COIL: variants seen among roughly 807,000 people sequenced by gnomAD.
COIL encodes coilin p80.
In COIL, 28 loss-of-function variants were observed where a neutral mutation model predicts 51.6. The ratio of observed to expected loss-of-function variants is 0.54; its 90% CI spans 0.40 to 0.74. The LOEUF (loss-of-function observed/expected upper bound fraction) is 0.74, where lower values mean the gene tolerates loss of function less well. Ranked by LOEUF, COIL falls within the 30% of genes least tolerant of loss-of-function variation. The pLI, the probability that COIL is intolerant of heterozygous loss-of-function variation, is 0.00. For synonymous variants in COIL, 233 were observed against 255.8 expected (o/e 0.91, Z 0.85); for missense variants, 667 against 685.9 (o/e 0.97, Z 0.31).
At chr17:56,958,480 G>A (rs1196271140) in intron 1 of COIL, among the ~76,000 whole-genome samples, 1 of 152,228 alleles carries the variant, frequency 6.6e-6, no homozygotes, top group Non-Finnish European at 1.5e-5. Context: ...GAAGCCACTA[G>A]AGAGGTATTT....
At position 56,949,997 on chromosome 17, in the gene COIL, T is replaced by G. The variant is rs1910326199; in HGVS notation, c.1245A>C (p.Arg415Ser). ...KGAKGRGMRG[R>S]GRGRGHPVSC... Reference sequence around the variant, plus strand: ...AAACAGGATGCCCTCGTCCTCGACCTCTCCCCCGCATGCCCCGTCCCTTAG... The same window carrying G: ...AAACAGGATGCCCTCGTCCTCGACCGCTCCCCCGCATGCCCCGTCCCTTAG... Residue 415 changes from arginine (R) to serine (S), a missense_variant, in exon 2 of 7, where the codon AGA becomes AGC. Transcript: ENST00000240316. 1.2e-6 allele frequency: 2 copies of G among 1,614,004 alleles called. No homozygotes were observed. The highest frequency in any genetic ancestry group is 2.7e-5 in the African/African-American group (2 of 74,904).
chr17:56,955,748 G>A (rs1567854649), intron 1 of COIL, among the ~76,000 whole-genome samples: 1 of 152,118 alleles, frequency 6.6e-6, no homozygotes, highest in African/African-American at 2.4e-5. Flanking sequence ...GTCCTATCAT[G>A]GGTAAGTTGG....
At chr17:56,939,974 G>A (rs563954061) in intron 6 of COIL, 3 of 151,954 alleles carry the variant, frequency 2.0e-5, no homozygotes, top group African/African-American at 4.8e-5. Flanking sequence ...GCCCTTTTGC[G>A]CCGCTCTGTA....
rs1392361838 is a variant in COIL, at chr17:56,949,988, T to G, written c.1254A>C (p.Gly418=). The change falls in exon 2 of 7, where the codon GGA becomes GGC. Residue 418 remains glycine (G), a synonymous_variant. Coordinates refer to ENST00000240316, the MANE Select transcript of COIL (RefSeq NM_004645.3). ...CAACACAGGAAACAGGATGCCCTCG[T>G]CCTCGACCTCTCCCCCGCATGCCCC... ...KGRGMRGRGR[G]RGHPVSCVVN... The G allele has an allele frequency of 6.2e-7, 1 of 1,614,052 alleles. No individual in the cohort carries two copies. The highest frequency in any genetic ancestry group is 1.3e-5 in the African/African-American group (1 of 74,928).
intron 5 of COIL, among the ~76,000 whole-genome samples, chr17:56,942,775 C>A (rs1307500906): frequency 6.6e-6 from 1 of 152,188 alleles, no homozygotes; most frequent in Non-Finnish European, 1.5e-5. Flanking sequence ...CTCGGCCTCC[C>A]AAAGCGCTGG....
rs1365720938 is a variant in COIL at position 56,942,029 on chromosome 17, A to G, written c.1647+6T>C. On this transcript the variant is annotated splice_donor_region_variant and intron_variant, in intron 6 of 6. Transcript: ENST00000240316. ...CCAAGCAACGCAAGAAGAGAAGCAC[A>G]CCTACCTTGCTCTCCTGTGTCACAG... 6.2e-7 allele frequency: 1 copy of G among 1,611,134 alleles called. No homozygotes were observed. Among genetic ancestry groups the G allele is most frequent in the East Asian group, 2.2e-5 (1 of 44,868 alleles).
rs138525201 is a variant in COIL at position 56,949,754 on chromosome 17, G to A, written c.1367C>T (p.Thr456Ile). 1,294 of 1,614,072 alleles carry A rather than the reference G, an allele frequency of 8.0e-4. 13 individuals carry two copies. Among genetic ancestry groups the A allele is most frequent in the South Asian group, 7.3e-3 (666 of 91,088 alleles). Residue 456 changes from threonine to isoleucine, a missense_variant, in exon 3 of 7, where the codon ACA becomes ATA. Thr to Ile is a moderately conservative substitution (Grantham distance 89). Coordinates refer to ENST00000240316, the MANE Select transcript of COIL (RefSeq NM_004645.3). ...TAACAGACTATAGTCCTTCTTGGGT[G>A]TCTCTACTGGATTCTGAAAAACAGT... Reference protein sequence around the residue: ...SSTIIQNPVETPKKDYSLLPL... With the variant: ...SSTIIQNPVEIPKKDYSLLPL...
Position 56,950,266 on chromosome 17 carries a change from G to T in COIL, c.976C>A (p.Gln326Lys). ...GGGGTGCTCGATGACATCAAGCATTGGTCGTCTGACTCTGCACTAGAGTCT... is the reference window on the plus strand; with the variant it reads ...GGGGTGCTCGATGACATCAAGCATTTGTCGTCTGACTCTGCACTAGAGTCT... ...SSDSSAESDD[Q>K]CLMSSSTPEC... is the part of the protein sequence containing the mutation. Residue 326 changes from glutamine (Q) to lysine (K), a missense_variant, in exon 2 of 7, where the codon CAA (glutamine) becomes AAA (lysine). Physicochemically the swap from Gln to Lys is moderately conservative, Grantham distance 53. Transcript: ENST00000240316. 2 of 1,614,176 alleles carry T rather than the reference G, an allele frequency of 1.2e-6. No individual in the cohort carries two copies. The highest frequency in any genetic ancestry group is 1.7e-6 in the Non-Finnish European group (2 of 1,180,030).
chr17:56,949,298 C>A, intron 4 of COIL, 89 bp downstream of exon 4: 1 of 1,030,038 alleles, frequency 9.7e-7, no homozygotes, highest in South Asian at 1.8e-5. Flanking sequence ...AGTAAAAAAA[C>A]AAATCTGTAT....
At chr17:56,953,498 T>C (rs1910421808) in intron 1 of COIL, among the ~76,000 whole-genome samples, 1 of 151,278 alleles carries the variant, frequency 6.6e-6, no homozygotes, top group African/African-American at 2.4e-5. Flanking sequence ...GGAGGATCAC[T>C]AGAGCCCAGG....
chr17:56,943,425 A>T (rs1910184684), intron 5 of COIL, among the ~76,000 whole-genome samples: 1 of 151,798 alleles, frequency 6.6e-6, no homozygotes, highest in Non-Finnish European at 1.5e-5. Context: ...CTCTCCTTAA[A>T]CTCAGTTTGG....
intron 1 of COIL, among the ~76,000 whole-genome samples, chr17:56,954,447 G>C (rs538340332): frequency 6.6e-6 from 1 of 152,038 alleles, no homozygotes; most frequent in African/African-American, 2.4e-5. Context: ...TGTAGTCCCA[G>C]CTACTCGGGA....
Position 56,938,993 on chromosome 17 carries a change from TAAAAAAA to T in COIL, c.*71_*77del. The T allele has an allele frequency of 1.6e-6, 1 of 622,774 alleles. No individual in the cohort carries two copies. The highest frequency in any genetic ancestry group is 2.6e-6 in the Non-Finnish European group (1 of 378,038). The allele number at this position is 622,774 out of a possible 1,614,324, so 38.6% of individuals were successfully genotyped here. On this transcript the variant is annotated 3_prime_UTR_variant, in exon 7 of 7. Transcript: ENST00000240316. ...ATCCATACAACTTCCAAATCCTCTT[TAAAAAAA>T]AAAAAAAGTTTGGGTTATAGTCACT...
intron 5 of COIL, among the ~76,000 whole-genome samples, chr17:56,944,612 A>G (rs1910210218): frequency 6.6e-6 from 1 of 151,944 alleles, no homozygotes; most frequent in African/African-American, 2.4e-5. Context: ...AAAGGTAGGA[A>G]CCCAGTGTAA....
At chr17:56,943,276 T>C (rs567578653) in intron 5 of COIL, among the ~76,000 whole-genome samples, 34 of 152,386 alleles carry the variant, frequency 2.2e-4, no homozygotes, top group Middle Eastern at 6.8e-3. Context: ...TTTTTTACTT[T>C]GTAAAATCTT....
At chr17:56,958,782 A>C (rs1353831841) in intron 1 of COIL, among the ~76,000 whole-genome samples, 1 of 152,228 alleles carries the variant, frequency 6.6e-6, no homozygotes, top group Non-Finnish European at 1.5e-5. Context: ...CCTATTTCAC[A>C]GTCAATAAAA....
intron 1 of COIL, among the ~76,000 whole-genome samples, chr17:56,953,515 A>C (rs1215555970): frequency 1.3e-5 from 2 of 152,056 alleles, no homozygotes; most frequent in African/African-American, 4.8e-5. Context: ...CAGGAGGTCC[A>C]GGCTGCAGTG....
chr17:56,938,287 T>C lies in COIL; in HGVS notation c.*784A>G, dbSNP rs1910078430. 1 of 152,252 alleles carries C rather than the reference T, an allele frequency of 6.6e-6. No individual in the cohort carries two copies. Among genetic ancestry groups the C allele is most frequent in the South Asian group, 2.1e-4 (1 of 4,836 alleles). The allele number at this position is 152,252 out of a possible 1,614,324, so 9.4% of individuals were successfully genotyped here. On this transcript the variant is annotated 3_prime_UTR_variant, in exon 7 of 7. Coordinates refer to ENST00000240316, the MANE Select transcript of COIL (RefSeq NM_004645.3). ...AAATGAAACCAATTTTCACGGTATA[T>C]ATTTGGCCATTTTAGCTTCGTAGTG... is the stretch of plus-strand genomic sequence containing the variant.
Position 56,950,514 on chromosome 17 carries a change from C to A in COIL, c.728G>T (p.Ser243Ile). 6.2e-7 allele frequency: 1 copy of A among 1,614,218 alleles called. No homozygotes were observed. The highest frequency in any genetic ancestry group is 1.1e-5 in the South Asian group (1 of 91,086). ...TTCAGACTCCGAGGAGGAACTGGGA[C>A]TCTCTTTTGAGCAAACGCTTACACT... ...KGSVSVCSKE[S>I]PSSSSESESC... is the part of the protein sequence containing the mutation. The change falls in exon 2 of 7, where the codon AGT becomes ATT. Residue 243 changes from serine (S) to isoleucine (I), a missense_variant. Transcript: ENST00000240316.
Sources: allele counts gnomAD v4.1 joint callset (sites outside exome capture counted in the v4.1 genomes callset), GRCh38; gene constraint gnomAD v4.1.1; transcripts MANE v1.5; gene names NCBI Gene and HGNC (gene_info 2026-07-23, HGNC 2026-07-21).